SYNE3: variants seen among roughly 807,000 people sequenced by gnomAD.
The protein encoded by SYNE3 is nesprin-3.
Under a neutral mutation model 111.2 loss-of-function variants are expected in SYNE3, and 100 were observed. The observed-to-expected ratio is 0.90, with a 90% confidence interval of 0.77 to 1.06. The LOEUF (loss-of-function observed/expected upper bound fraction) is 1.06, where lower values mean the gene tolerates loss of function less well. Among genes scored for constraint, SYNE3 ranks in the 50% least tolerant of loss-of-function variants. The pLI, the probability that SYNE3 is intolerant of heterozygous loss-of-function variation, is 0.00. For synonymous variants in SYNE3, 547 were observed against 533.9 expected, an observed-to-expected ratio of 1.02 and a Z score of -0.34; for missense variants, 1,160 against 1,240.3, an observed-to-expected ratio of 0.94 and a Z score of 0.97.
Position 95,415,686 on chromosome 14 carries a change from T to C in SYNE3, c.*2140A>G, listed in dbSNP as rs1407937182. The C allele has an allele frequency of 1.1e-5, 1 of 91,458 alleles. No homozygotes were observed. Among genetic ancestry groups the C allele is most frequent in the Non-Finnish European group, 2.4e-5 (1 of 41,476 alleles). 5.7% of individuals were successfully genotyped at this position (91,458 alleles called of 1,614,324 possible). On this transcript the variant is annotated 3_prime_UTR_variant, in exon 18 of 18. Coordinates refer to ENST00000682763, the MANE Select transcript of SYNE3 (RefSeq NM_152592.6). The stretch of plus-strand genomic sequence containing the variant: ...ATAATTATAAGCCTACAGCTTATCA[T>C]AAAGCTATTCAAAAAAAAAAAAAAA...
chr14:95,461,060 C>T (rs528328129), intron 4 of SYNE3, among the ~76,000 whole-genome samples: 8 of 152,352 alleles, frequency 5.3e-5, no homozygotes, highest in Non-Finnish European at 7.3e-5. Context: ...AGAATCCAGC[C>T]GTGCTGGAGA....
Position 95,443,164 on chromosome 14 carries a change from C to T in SYNE3, c.1902G>A (p.Arg634=). 6.2e-7 allele frequency: 1 copy of T among 1,613,922 alleles called. No individual in the cohort carries two copies. The highest frequency in any genetic ancestry group is 8.5e-7 in the Non-Finnish European group (1 of 1,179,914). The change falls in exon 11 of 18, where the codon AGG becomes AGA. Residue 634 remains arginine (R), a synonymous_variant. Transcript: ENST00000682763. The stretch of plus-strand genomic sequence containing the variant: ...TCTGCCAGCCCCTTACCTCCAGAGA[C>T]CTCTGCAGGGCCTGGAAGTCGGAGG... ...QLSSDFQALQ[R]SLEDLVDRCR...
chr14:95,444,280 C>T (rs1886574896), intron 10 of SYNE3: 2 of 599,406 alleles, frequency 3.3e-6, no homozygotes, highest in African/African-American at 3.7e-5. Flanking sequence ...TTTTGCTGAG[C>T]TCAAGACTCA....
intron 1 of SYNE3, among the ~76,000 whole-genome samples, chr14:95,477,371 A>C (rs1888947283): frequency 6.6e-6 from 1 of 152,218 alleles, no homozygotes; most frequent in South Asian, 2.1e-4. Context: ...CACTTGGTTG[A>C]GATGGGTAGG....
At position 95,417,646 on chromosome 14, in the gene SYNE3, C is replaced by A; in HGVS notation, c.*180G>T. 2 of 652,634 alleles carry A rather than the reference C, an allele frequency of 3.1e-6. No homozygotes were observed. Among genetic ancestry groups the A allele is most frequent in the Non-Finnish European group, 5.5e-6 (2 of 364,172 alleles). 40.4% of individuals were successfully genotyped at this position (652,634 alleles called of 1,614,324 possible). A position where few individuals can be genotyped will look rare whatever the true frequency, so the allele number is the denominator to read the frequency against. On this transcript the variant is annotated 3_prime_UTR_variant, in exon 18 of 18. Coordinates refer to ENST00000682763, the MANE Select transcript of SYNE3 (RefSeq NM_152592.6). ...GTAGTACACATTTAGTATAAATAGACTAAGACAACACTGTATAAAAAGTAA... is the reference window on the plus strand; with the variant it reads ...GTAGTACACATTTAGTATAAATAGAATAAGACAACACTGTATAAAAAGTAA...
rs978001450 is a variant in SYNE3, at chr14:95,408,846, G to A, written c.*8980C>T. On this transcript the variant is annotated 3_prime_UTR_variant, in exon 18 of 18. Coordinates refer to ENST00000682763, the MANE Select transcript of SYNE3 (RefSeq NM_152592.6). The stretch of plus-strand genomic sequence containing the variant: ...GAACTGCTCAGCAGGCAGAGACCGC[G>A]CAAAGCCAACTCTGTCCTCTGCCTG... 9.4e-6 allele frequency: 3 copies of A among 319,438 alleles called. No homozygotes were observed. The highest frequency in any genetic ancestry group is 1.9e-5 in the Non-Finnish European group (3 of 161,916). 19.8% of individuals were successfully genotyped at this position (319,438 alleles called of 1,614,324 possible). A position where few individuals can be genotyped will look rare whatever the true frequency, so the allele number is the denominator to read the frequency against.
rs775456868 is a variant in SYNE3, at chr14:95,455,547, G to A, written c.967C>T (p.Leu323=). 1.5e-5 allele frequency: 25 copies of A among 1,613,922 alleles called. No individual in the cohort carries two copies. Among genetic ancestry groups the A allele is most frequent in the Non-Finnish European group, 2.1e-5 (25 of 1,180,014 alleles). The change falls in exon 6 of 18, where the codon CTG becomes TTG. Residue 323 remains leucine (L), a synonymous_variant. Coordinates refer to ENST00000682763, the MANE Select transcript of SYNE3 (RefSeq NM_152592.6). The part of the protein sequence containing the change: ...RALWEEEEER[L]RGLLRSRGAW... Reference sequence around the variant, plus strand: ...CCCCTGGACCGGAGCAGGCCCCGCAGCCGCTCCTCCTCCTCCTCCCAGAGG... The same window carrying A: ...CCCCTGGACCGGAGCAGGCCCCGCAACCGCTCCTCCTCCTCCTCCCAGAGG...
In SYNE3 at chr14:95,409,483, G is replaced by A. The variant is rs1429162041; in HGVS notation, c.*8343C>T. ...TTCAGAAAGGAAGCCCAGGATCCTCGGGGGAAACCGAGGTCCCTCCTTATG... is the reference window on the plus strand; with the variant it reads ...TTCAGAAAGGAAGCCCAGGATCCTCAGGGGAAACCGAGGTCCCTCCTTATG... On this transcript the variant is annotated 3_prime_UTR_variant, in exon 18 of 18. Transcript: ENST00000682763. The A allele has an allele frequency of 7.1e-6, 3 of 419,848 alleles. No homozygotes were observed. The highest frequency in any genetic ancestry group is 1.4e-4 in the East Asian group (2 of 14,164). The allele number at this position is 419,848 out of a possible 1,614,324, so 26.0% of individuals were successfully genotyped here.
Position 95,445,085 on chromosome 14 carries a change from A to G in SYNE3, c.1633-457T>C, listed in dbSNP as rs117951907. ...GTAAAACAGCACTTTGATGTCTTCT[A>G]GTAATTGCCTACTTATTTGTGTCTA... On this transcript the variant is annotated intron_variant, in intron 9 of 17. Transcript: ENST00000682763. Among the ~76,000 whole-genome samples the G allele has an allele frequency of 3.9e-4, 59 of 152,346 alleles. 2 individuals carry two copies. The East Asian group carries it at 7.1e-3, about 18-fold the overall frequency.
chr14:95,418,133 C>CAGTCAGTTCAG, intron 17 of SYNE3, 107 bp from the exon 18 acceptor site: 2 of 1,145,680 alleles, frequency 1.7e-6, no homozygotes, highest in Non-Finnish European at 2.6e-6. Flanking sequence ...ACTGAACTGA[C>CAGTCAGTTCAG]TGTATGACAG....
intron 4 of SYNE3, among the ~76,000 whole-genome samples, chr14:95,462,295 G>A (rs1047637312): frequency 2.6e-5 from 4 of 152,198 alleles, no homozygotes; most frequent in African/African-American, 9.7e-5. Context: ...CAGCCCTCCT[G>A]TCTAAGAGCT....
intron 2 of SYNE3, among the ~76,000 whole-genome samples, chr14:95,471,338 T>C (rs966704155): frequency 2.6e-5 from 4 of 152,224 alleles, no homozygotes; most frequent in African/African-American, 9.6e-5. Context: ...CCTGACTGTG[T>C]GGTCCCCCCA....
rs773805661 is a variant in SYNE3 at position 95,449,942 on chromosome 14, G to A, written c.1438C>T (p.Pro480Ser). The change falls in exon 8 of 18, where the codon CCC (proline) becomes TCC (serine). Residue 480 changes from proline (P) to serine (S), a missense_variant. Transcript: ENST00000682763. The part of the protein sequence containing the change: ...PDLPSLHTFL[P>S]QIEAALMESS... ...AGGACCACGGTTACCTCGATCTGGG[G>A]CAGGAAGGTGTGAAGGGAAGGCAGG... The A allele has an allele frequency of 7.1e-6, 11 of 1,553,850 alleles. No individual in the cohort carries two copies. The South Asian group carries it at 7.1e-5, about 10-fold the overall frequency.
rs919196932 is a variant in SYNE3 at position 95,413,747 on chromosome 14, C to G, written c.*4079G>C. 1 of 152,214 alleles carries G rather than the reference C, an allele frequency of 6.6e-6. No homozygotes were observed. The highest frequency in any genetic ancestry group is 1.5e-5 in the Non-Finnish European group (1 of 68,072). 9.4% of individuals were successfully genotyped at this position (152,214 alleles called of 1,614,324 possible). A position where few individuals can be genotyped will look rare whatever the true frequency, so the allele number is the denominator to read the frequency against. On this transcript the variant is annotated 3_prime_UTR_variant, in exon 18 of 18. Transcript: ENST00000682763. ...ACTCCAGCCAGCTGCCTGAAGCAAA[C>G]GGGGCCTGAGAGATGGAATTGGGTC...
At position 95,431,363 on chromosome 14, in the gene SYNE3, G is replaced by A. The variant is rs117585110; in HGVS notation, c.2727+716C>T. ...TCAGGCTTGCCCCTTCTGTTTCCTC[G>A]CGCTGAAAGTTGAGATTATACTGCC... On this transcript the variant is annotated intron_variant, in intron 17 of 17. Coordinates refer to ENST00000682763, the MANE Select transcript of SYNE3 (RefSeq NM_152592.6). Among the ~76,000 whole-genome samples the A allele has an allele frequency of 5.6e-3, 853 of 152,218 alleles. 9 individuals carry two copies. The highest frequency in any genetic ancestry group is 0.01 in the Non-Finnish European group (687 of 67,998).
chr14:95,476,005 C>G (rs890553615), intron 1 of SYNE3, among the ~76,000 whole-genome samples, 170 bp from the exon 2 acceptor site: 1 of 152,236 alleles, frequency 6.6e-6, no homozygotes, highest in Non-Finnish European at 1.5e-5. Context: ...TGGAATTAGG[C>G]AGGGAATGAA....
At chr14:95,456,788 G>T (rs1012694397) in intron 5 of SYNE3, among the ~76,000 whole-genome samples, 1 of 152,110 alleles carries the variant, frequency 6.6e-6, no homozygotes, top group Non-Finnish European at 1.5e-5. Context: ...TCCTATTAAA[G>T]AAACTATGAC....
Position 95,513,367 on chromosome 14 carries a change from A to C in SYNE3, c.-15+3229T>G, listed in dbSNP as rs570333025. Among the ~76,000 whole-genome samples the C allele has an allele frequency of 3.3e-5, 5 of 152,278 alleles. No homozygotes were observed. In the East Asian group the frequency reaches 9.7e-4, roughly 29 times the overall value. On this transcript the variant is annotated intron_variant, in intron 1 of 17. Coordinates refer to ENST00000682763, the MANE Select transcript of SYNE3 (RefSeq NM_152592.6). ...CTAGGATTCTCTATACCACGTCTGC[A>C]GCCTAGAAACCCAGGCGAGAGATCC...
chr14:95,485,354 C>G lies in SYNE3; in HGVS notation c.-14-9519G>C, dbSNP rs73343116. On this transcript the variant is annotated intron_variant, in intron 1 of 17. Coordinates refer to ENST00000682763, the MANE Select transcript of SYNE3 (RefSeq NM_152592.6). The surrounding 1 kb of genome is among the most constrained non-coding windows in gnomAD (Gnocchi z 4.3). The stretch of plus-strand genomic sequence containing the variant: ...GGCGGGGCTGCTGGCCCCCTCCCCA[C>G]ATTCCAATGGGCTTCACTTCACACA... Among the ~76,000 whole-genome samples the G allele has an allele frequency of 0.054, 8,276 of 152,240 alleles. 348 individuals are homozygous for G. Among genetic ancestry groups the G allele is most frequent in the African/African-American group, 0.12 (5,062 of 41,512 alleles).
Sources: allele counts gnomAD v4.1 joint callset (sites outside exome capture counted in the v4.1 genomes callset), GRCh38; gene constraint gnomAD v4.1.1; non-coding constraint Gnocchi (gnomAD v3.1); transcripts MANE v1.5; gene names NCBI Gene and HGNC (gene_info 2026-07-23, HGNC 2026-07-21).